The following CACNB4 variants were observed in gnomAD, a reference collection of about 807,000 sequenced individuals.
CACNB4 encodes the protein calcium voltage-gated channel auxiliary subunit beta 4.
In CACNB4, 32 loss-of-function variants were observed where a neutral mutation model predicts 71.2. The ratio of observed to expected loss-of-function variants is 0.45; its 90% CI spans 0.34 to 0.60. The LOEUF is 0.60. Ranked by LOEUF, CACNB4 falls within the 20% of genes least tolerant of loss-of-function variation. CACNB4 has a pLI of 0.01. For synonymous variants in CACNB4, 231 were observed against 236.9 expected, an observed-to-expected ratio of 0.97 and a Z score of 0.23; for missense variants, 464 against 647.9, an observed-to-expected ratio of 0.72 and a Z score of 3.08.
chr2:152,056,290 G>T (rs1190519890), intron 2 of CACNB4, among the ~76,000 whole-genome samples: 1 of 151,720 alleles, frequency 6.6e-6, no homozygotes, highest in African/African-American at 2.4e-5. Context: ...GAACCCAGGA[G>T]GCAGAGCTTG....
chr2:151,991,716 T>C (rs79126222), intron 2 of CACNB4, among the ~76,000 whole-genome samples: 3,199 of 152,266 alleles, frequency 0.021, 104 homozygotes, highest in African/African-American at 0.072. Flanking sequence ...CTGGCTTCCA[T>C]TTTTTAAAAA....
intron 2 of CACNB4, among the ~76,000 whole-genome samples, chr2:151,929,246 A>G (rs902104889): frequency 6.6e-6 from 1 of 152,142 alleles, no homozygotes. Flanking sequence ...AAAAAAAAAA[A>G]TCACTGATAT....
At chr2:151,938,618 C>G (rs2099863507) in intron 2 of CACNB4, among the ~76,000 whole-genome samples, 1 of 152,138 alleles carries the variant, frequency 6.6e-6, no homozygotes, top group South Asian at 2.1e-4. Context: ...AAAGTTTTAC[C>G]TGGATGTCAG....
rs1003643651 is a variant in CACNB4, at chr2:151,835,212, T to G, written c.*3907A>C. 1.3e-5 allele frequency: 2 copies of G among 151,960 alleles called. No homozygotes were observed. The highest frequency in any genetic ancestry group is 2.9e-5 in the Non-Finnish European group (2 of 67,834). 9.4% of individuals were successfully genotyped at this position (151,960 alleles called of 1,614,324 possible). A position where few individuals can be genotyped will look rare whatever the true frequency, so the allele number is the denominator to read the frequency against. Reference sequence around the variant, plus strand: ...GCAATTCCCTTGCAGTTTGTTTTGTTCCCTATGATGACTTATTTGTTAAAT... The same window carrying G: ...GCAATTCCCTTGCAGTTTGTTTTGTGCCCTATGATGACTTATTTGTTAAAT... On this transcript the variant is annotated 3_prime_UTR_variant, in exon 14 of 14. Coordinates refer to ENST00000539935, the MANE Select transcript of CACNB4 (RefSeq NM_000726.5).
intron 2 of CACNB4, among the ~76,000 whole-genome samples, chr2:152,067,135 A>G (rs994397034): frequency 9.9e-5 from 15 of 152,018 alleles, no homozygotes; most frequent in Admixed American, 1.3e-4. Flanking sequence ...CCTAAAACTT[A>G]AAGTATAATA....
chr2:151,971,631 A>G, intron 2 of CACNB4: 1 of 702,866 alleles, frequency 1.4e-6, no homozygotes, highest in South Asian at 1.5e-5. Flanking sequence ...CAGGTCAGCT[A>G]TTTAGGCCTA....
At chr2:152,017,261 T>G (rs1053493011) in intron 2 of CACNB4, among the ~76,000 whole-genome samples, 4 of 150,046 alleles carry the variant, frequency 2.7e-5, no homozygotes, top group African/African-American at 1.0e-4. Context: ...CACCTGCATT[T>G]TAACAGCACC....
At chr2:151,872,724 T>A in intron 5 of CACNB4, 1 of 375,304 alleles carries the variant, frequency 2.7e-6, no homozygotes. Context: ...CTCTTCTAGT[T>A]ACTCAGTGCG....
chr2:152,017,524 C>T (rs972257580), intron 2 of CACNB4, among the ~76,000 whole-genome samples: 7 of 151,622 alleles, frequency 4.6e-5, no homozygotes, highest in South Asian at 2.1e-4. Context: ...CTGGCTAAGA[C>T]GGTGAAACCC....
chr2:151,943,656 C>T (rs577553733), intron 2 of CACNB4, among the ~76,000 whole-genome samples: 3 of 152,280 alleles, frequency 2.0e-5, no homozygotes, highest in East Asian at 3.9e-4. Context: ...ATAAGGGGTT[C>T]GTCCAGTTCT....
intron 2 of CACNB4, among the ~76,000 whole-genome samples, chr2:151,887,013 T>C (rs1341601453): frequency 6.6e-6 from 1 of 152,050 alleles, no homozygotes; most frequent in Non-Finnish European, 1.5e-5. Context: ...CATGCAAGGC[T>C]TAGTAAGAGC....
intron 2 of CACNB4, among the ~76,000 whole-genome samples, chr2:152,021,277 A>T (rs1361691112): frequency 3.9e-5 from 6 of 152,188 alleles, no homozygotes; most frequent in Non-Finnish European, 8.8e-5. Context: ...CTGAAACATT[A>T]AAACAATTTT....
intron 2 of CACNB4, among the ~76,000 whole-genome samples, chr2:151,919,249 T>C (rs887891684): frequency 6.6e-6 from 1 of 152,114 alleles, no homozygotes; most frequent in African/African-American, 2.4e-5. Flanking sequence ...TTTCTTTGAG[T>C]GAGACAAGGT....
At chr2:151,965,905 A>G (rs1205129333) in intron 2 of CACNB4, among the ~76,000 whole-genome samples, 1 of 152,146 alleles carries the variant, frequency 6.6e-6, no homozygotes, top group East Asian at 1.9e-4. Context: ...CATCTACTCT[A>G]CTCAAAGATA....
intron 2 of CACNB4, among the ~76,000 whole-genome samples, chr2:151,955,010 T>A (rs2151676216): frequency 6.6e-6 from 1 of 152,154 alleles, no homozygotes; most frequent in African/African-American, 2.4e-5. Flanking sequence ...CCCGCCACGA[T>A]GCCCAGCTAA....
chr2:151,875,590 C>A (rs1457188710), intron 5 of CACNB4, among the ~76,000 whole-genome samples: 3 of 147,770 alleles, frequency 2.0e-5, no homozygotes, highest in Non-Finnish European at 4.5e-5. Flanking sequence ...GCGCCCCTCA[C>A]CTCCCGGACG....
At chr2:151,990,846 T>C (rs1208777150) in intron 2 of CACNB4, among the ~76,000 whole-genome samples, 1 of 152,196 alleles carries the variant, frequency 6.6e-6, no homozygotes, top group Non-Finnish European at 1.5e-5. Context: ...AAAAATTAGT[T>C]TAATAAGATG....
chr2:151,888,330 G>C (rs142989937), intron 2 of CACNB4, among the ~76,000 whole-genome samples: 2,602 of 152,296 alleles, frequency 0.017, 75 homozygotes, highest in African/African-American at 0.06. Flanking sequence ...GGGAGGCTGA[G>C]GCAGGAGAAT....
Position 152,098,538 on chromosome 2 carries a change from A to C in CACNB4, c.64-125T>G. 1 of 1,361,212 alleles carries C rather than the reference A, an allele frequency of 7.3e-7. No homozygotes were observed. The highest frequency in any genetic ancestry group is 1.0e-6 in the Non-Finnish European group (1 of 964,574). 84.3% of individuals were successfully genotyped at this position (1,361,212 alleles called of 1,614,324 possible). On this transcript the variant is annotated intron_variant, in intron 1 of 13. Transcript: ENST00000539935. The surrounding 1 kb of genome is among the most constrained non-coding windows in gnomAD (Gnocchi z 5.3). Reference sequence around the variant, plus strand: ...TGGGGTCCCCTAGAGCCCGCACCCAAGTCTCCTCCGCGACTCCCAAATACA... The same window carrying C: ...TGGGGTCCCCTAGAGCCCGCACCCACGTCTCCTCCGCGACTCCCAAATACA...
Sources: gnomAD v4.1 joint callset for allele counts (sites outside exome capture counted in the v4.1 genomes callset) on GRCh38, gnomAD v4.1.1 for gene constraint, Gnocchi (gnomAD v3.1) non-coding constraint, MANE v1.5 for transcripts, NCBI Gene and HGNC (gene_info 2026-07-23, HGNC 2026-07-21) for gene names.